Variants in TTC28 observed in about 807,000 individuals in gnomAD.
TTC28 encodes tetratricopeptide repeat protein 28.
TTC28 carries 61 observed loss-of-function variants against 198.0 expected under a neutral mutation model. The ratio of observed to expected loss-of-function variants is 0.31; its 90% CI spans 0.25 to 0.38. The LOEUF (loss-of-function observed/expected upper bound fraction) is 0.38, where lower values mean the gene tolerates loss of function less well. TTC28 is among the 10% of genes least tolerant of loss of function. TTC28 has a pLI of 1.00. For missense variants in TTC28, 2,678 were observed against 3,164.0 expected (o/e 0.85, Z 3.69); for synonymous variants, 1,171 against 1,297.8 (o/e 0.90, Z 2.10).
chr22:27,989,140 G>C (rs1937310836), intron 21 of TTC28, among the ~76,000 whole-genome samples: 1 of 152,176 alleles, frequency 6.6e-6, no homozygotes, highest in Non-Finnish European at 1.5e-5. Context: ...ACCATTACAG[G>C]TACACAGCAA....
At chr22:28,561,404 G>A (rs1161899983) in intron 2 of TTC28, among the ~76,000 whole-genome samples, 1 of 152,002 alleles carries the variant, frequency 6.6e-6, no homozygotes, top group South Asian at 2.1e-4. Context: ...CTCCTTACAT[G>A]ACTTTGTTTC....
chr22:28,595,105 G>T (rs548337063), intron 2 of TTC28, among the ~76,000 whole-genome samples: 1 of 151,994 alleles, frequency 6.6e-6, no homozygotes, highest in African/African-American at 2.4e-5. Context: ...CTGACTAATC[G>T]GGAACTAAGT....
At chr22:28,262,086 CCT>C (rs964265761) in intron 5 of TTC28, among the ~76,000 whole-genome samples, 12 of 152,094 alleles carry the variant, frequency 7.9e-5, no homozygotes, top group Non-Finnish European at 1.3e-4. Context: ...TCTCACTCTC[CCT>C]CTCTCTGTCT....
At chr22:28,603,025 C>T (rs763364979) in intron 2 of TTC28, among the ~76,000 whole-genome samples, 8 of 151,996 alleles carry the variant, frequency 5.3e-5, no homozygotes, top group African/African-American at 9.7e-5. Context: ...GGATTACAGG[C>T]GTGCACCACC....
At chr22:28,064,925 G>A (rs1316733426) in intron 12 of TTC28, among the ~76,000 whole-genome samples, 1 of 152,142 alleles carries the variant, frequency 6.6e-6, no homozygotes, top group Non-Finnish European at 1.5e-5. Context: ...CGTACCATGT[G>A]CAAGTATCAC....
At chr22:28,547,183 G>A (rs2049561574) in intron 2 of TTC28, among the ~76,000 whole-genome samples, 1 of 151,716 alleles carries the variant, frequency 6.6e-6, no homozygotes, top group African/African-American at 2.4e-5. Flanking sequence ...TGATTTTTAA[G>A]ATCTCTCTGC....
chr22:28,236,664 A>G (rs1569214469), intron 5 of TTC28, among the ~76,000 whole-genome samples: 1 of 152,224 alleles, frequency 6.6e-6, no homozygotes, highest in Non-Finnish European at 1.5e-5. Context: ...GTTTAAGGAT[A>G]TGGGCTTGGT....
intron 12 of TTC28, among the ~76,000 whole-genome samples, chr22:28,075,476 G>C (rs1479169403): frequency 6.6e-6 from 1 of 152,168 alleles, no homozygotes; most frequent in East Asian, 1.9e-4. Context: ...CATGGTAGGA[G>C]AGGAGGCCAC....
intron 5 of TTC28, among the ~76,000 whole-genome samples, chr22:28,196,537 C>T (rs1292680294): frequency 6.6e-6 from 1 of 152,084 alleles, no homozygotes; most frequent in Non-Finnish European, 1.5e-5. Context: ...GCAATCTACT[C>T]ATCTGACAAA....
chr22:28,183,864 A>T (rs1037123286), intron 5 of TTC28, among the ~76,000 whole-genome samples: 1 of 152,246 alleles, frequency 6.6e-6, no homozygotes, highest in Non-Finnish European at 1.5e-5. Flanking sequence ...ATTTTAATAC[A>T]TTTTAAAACA....
chr22:28,475,812 A>G (rs2049546431), intron 2 of TTC28, among the ~76,000 whole-genome samples: 1 of 152,224 alleles, frequency 6.6e-6, no homozygotes, highest in African/African-American at 2.4e-5. Flanking sequence ...ATGAATGGGA[A>G]ATCACTAACC....
rs577755486 is a variant in TTC28, at chr22:28,072,021, T to C, written c.3932+22059A>G. Reference sequence around the variant, plus strand: ...CAAGTTTTGAGATGTGGATGTTAGCTCAAGGTCTGTCATTAACTACCTGAT... The same window carrying C: ...CAAGTTTTGAGATGTGGATGTTAGCCCAAGGTCTGTCATTAACTACCTGAT... On this transcript the variant is annotated intron_variant, in intron 12 of 22. Transcript: ENST00000397906. 3.3e-5 allele frequency among the ~76,000 whole-genome samples: 5 copies of C among 152,334 alleles called. No individual in the cohort carries two copies. In the South Asian group the frequency reaches 1.0e-3, roughly 32 times the overall value.
Position 28,462,705 on chromosome 22 carries a change from C to A in TTC28, c.382-156062G>T, listed in dbSNP as rs2047966112. Among the ~76,000 whole-genome samples the A allele has an allele frequency of 2.0e-5, 3 of 152,032 alleles. 1 individual carries two copies. The South Asian group carries it at 6.2e-4, about 32-fold the overall frequency. On this transcript the variant is annotated intron_variant, in intron 2 of 22. Coordinates refer to ENST00000397906, the MANE Select transcript of TTC28 (RefSeq NM_001145418.2). ...AAATTAGTAATAAAAATTGAGAATA[C>A]CTGTAGTAAGAGAAGATTGGCATCT...
At chr22:28,056,370 C>T (rs1308257277) in intron 12 of TTC28, 1 of 152,272 alleles carries the variant, frequency 6.6e-6, no homozygotes, top group Non-Finnish European at 1.5e-5. Context: ...GCACAGCACC[C>T]TACAGCCCAC....
intron 2 of TTC28, among the ~76,000 whole-genome samples, chr22:28,613,081 C>T (rs1325944766): frequency 3.3e-5 from 5 of 151,652 alleles, no homozygotes; most frequent in African/African-American, 7.3e-5. Context: ...ATAGATAGAC[C>T]GCTAGCCAGA....
At chr22:28,045,674 G>A (rs1441043766) in intron 12 of TTC28, among the ~76,000 whole-genome samples, 1 of 152,114 alleles carries the variant, frequency 6.6e-6, no homozygotes, top group Non-Finnish European at 1.5e-5. Flanking sequence ...CCAATAAAGA[G>A]TCATCCCAGC....
intron 14 of TTC28, among the ~76,000 whole-genome samples, chr22:28,003,305 G>T (rs920764721): frequency 2.0e-5 from 3 of 152,174 alleles, no homozygotes; most frequent in African/African-American, 7.2e-5. Flanking sequence ...CACAGCTGAT[G>T]CTGCCCTGAC....
chr22:28,239,813 C>G (rs1929536389), intron 5 of TTC28, among the ~76,000 whole-genome samples: 1 of 152,156 alleles, frequency 6.6e-6, no homozygotes, highest in African/African-American at 2.4e-5. Flanking sequence ...AAGGGTTGGT[C>G]TCTACTTGCC....
chr22:28,564,911 T>C (rs2049947363), intron 2 of TTC28, among the ~76,000 whole-genome samples: 1 of 148,196 alleles, frequency 6.7e-6, no homozygotes, highest in South Asian at 2.1e-4. Flanking sequence ...ATGTAATTTA[T>C]ATATAAATTA....
Sources: gnomAD v4.1 joint callset for allele counts (sites outside exome capture counted in the v4.1 genomes callset) on GRCh38, gnomAD v4.1.1 for gene constraint, MANE v1.5 for transcripts, NCBI Gene and HGNC (gene_info 2026-07-23, HGNC 2026-07-21) for gene names.